Variants in MROH2A observed in about 807,000 individuals in gnomAD.
The protein encoded by MROH2A is maestro heat like repeat family member 2A, also known as maestro heat-like repeat-containing protein family member 2A.
In MROH2A, 174 loss-of-function variants were observed where a neutral mutation model predicts 200.4. That is an observed-to-expected ratio of 0.87 (90% confidence interval 0.77 to 0.98). The LOEUF (loss-of-function observed/expected upper bound fraction) is 0.98, where lower values mean the gene tolerates loss of function less well. Among genes scored for constraint, MROH2A ranks in the 50% least tolerant of loss-of-function variants. The probability of loss-of-function intolerance (pLI) is 0.00; values close to 1 mark genes in which losing one functional copy is unlikely to be tolerated. For synonymous variants in MROH2A, 829 were observed against 840.4 expected (o/e 0.99, Z 0.23); for missense variants, 2,045 against 2,139.6 (o/e 0.96, Z 0.87).
Position 233,779,330 on chromosome 2 carries a change from T to A in MROH2A, c.-14-15T>A. On this transcript the variant is annotated splice_polypyrimidine_tract_variant and intron_variant, in intron 1 of 41. Coordinates refer to ENST00000389758, the MANE Select transcript of MROH2A (RefSeq NM_001394639.1). ...GTCACACCCCGTATTTTACAAATTC[T>A]GTTGATCTCAAAAGAGCTTGAGGAA... The A allele has an allele frequency of 6.7e-7, 1 of 1,488,782 alleles. No individual in the cohort carries two copies. Among genetic ancestry groups the A allele is most frequent in the Non-Finnish European group, 9.2e-7 (1 of 1,090,758 alleles). The allele number at this position is 1,488,782 out of a possible 1,614,324, so 92.2% of individuals were successfully genotyped here.
At chr2:233,793,881 C>T in intron 7 of MROH2A, 57 bp downstream of exon 7, 2 of 1,334,954 alleles carry the variant, frequency 1.5e-6, no homozygotes, top group Non-Finnish European at 1.9e-6. Context: ...GCTCCCCAGC[C>T]TGTGGGGCCG....
intron 3 of MROH2A, among the ~76,000 whole-genome samples, chr2:233,788,527 T>C (rs1701514276): frequency 6.6e-6 from 1 of 152,070 alleles, no homozygotes; most frequent in South Asian, 2.1e-4. Context: ...TCCCCAAATT[T>C]GCTAAGGATT....
chr2:233,780,201 G>A (rs1336427138), intron 3 of MROH2A, among the ~76,000 whole-genome samples: 1 of 152,336 alleles, frequency 6.6e-6, no homozygotes, highest in East Asian at 1.9e-4. Flanking sequence ...TGGGTTAAGG[G>A]GCTGGGGTAG....
chr2:233,792,648 A>G (rs934195139), intron 5 of MROH2A, 148 bp from the exon 6 acceptor site: 1 of 603,188 alleles, frequency 1.7e-6, no homozygotes, highest in African/African-American at 1.9e-5. Context: ...CTCCTGGACT[A>G]TTTCCTGGGC....
chr2:233,807,627 T>G lies in MROH2A; in HGVS notation c.2172+85T>G. 1 of 1,308,360 alleles carries G rather than the reference T, an allele frequency of 7.6e-7. No homozygotes were observed. The highest frequency in any genetic ancestry group is 1.0e-6 in the Non-Finnish European group (1 of 980,304). 81.0% of individuals were successfully genotyped at this position (1,308,360 alleles called of 1,614,324 possible). The stretch of plus-strand genomic sequence containing the variant: ...TGTGTTCATGTGGCTGCATGCGTTT[T>G]GTGTGTGTGTGTGTACATGTGTGTG... On this transcript the variant is annotated intron_variant, in intron 20 of 41. Transcript: ENST00000389758. This position sits in a 1 kb window ranked among gnomAD's most constrained non-coding sequence, Gnocchi z 4.3.
intron 35 of MROH2A, among the ~76,000 whole-genome samples, chr2:233,824,590 T>G (rs1347161482): frequency 6.6e-6 from 1 of 152,240 alleles, no homozygotes; most frequent in East Asian, 1.9e-4. Context: ...TCCGAGGGCC[T>G]GGTTAAGAGC....
Position 233,811,885 on chromosome 2 carries a change from C to A in MROH2A, c.2577C>A (p.Val859=). The A allele has an allele frequency of 1.3e-6, 2 of 1,549,998 alleles. No individual in the cohort carries two copies. The highest frequency in any genetic ancestry group is 2.4e-5 in the South Asian group (2 of 84,022). Residue 859 remains valine, a synonymous_variant, in exon 24 of 42, where the codon GTC becomes GTA. Transcript: ENST00000389758. ...KTTLTSIIVA[V]IKAEPTDNLV... Reference sequence around the variant, plus strand: ...CCCCTGCTTGTGTTGGACAGGCGGTCATCAAGGCAGAACCGACTGACAACC... The same window carrying A: ...CCCCTGCTTGTGTTGGACAGGCGGTAATCAAGGCAGAACCGACTGACAACC...
chr2:233,827,581 G>A lies in MROH2A; in HGVS notation c.4114-1049G>A, dbSNP rs149384606. ...ACTGGGCCTGTTGGGAGTGGGGTGG[G>A]GGAAGAGAGAGTATTAGGAAAAACA... On this transcript the variant is annotated intron_variant, in intron 35 of 41. Coordinates refer to ENST00000389758, the MANE Select transcript of MROH2A (RefSeq NM_001394639.1). Among the ~76,000 whole-genome samples the A allele has an allele frequency of 4.0e-4, 61 of 152,228 alleles. No individual in the cohort carries two copies. In the East Asian group the frequency reaches 8.5e-3, roughly 21 times the overall value.
intron 14 of MROH2A, 119 bp from the exon 15 acceptor site, chr2:233,802,049 A>G: frequency 1.7e-6 from 2 of 1,147,036 alleles, no homozygotes; most frequent in Non-Finnish European, 2.4e-6. Flanking sequence ...TGAGACTGTC[A>G]GGGGACATCT....
upstream of MROH2A, among the ~76,000 whole-genome samples, chr2:233,775,984 T>C (rs1364820135): frequency 1.3e-5 from 2 of 152,218 alleles, no homozygotes; most frequent in African/African-American, 2.4e-5. Context: ...CCATGTAAGA[T>C]GTGCCCTTGC....
At chr2:233,819,877 C>A in intron 30 of MROH2A, 25 bp from the exon 31 acceptor site, 2 of 1,483,368 alleles carry the variant, frequency 1.3e-6, no homozygotes, top group Non-Finnish European at 1.8e-6. Flanking sequence ...GGGCTGCCCC[C>A]CGGTGATGCC....
Position 233,796,246 on chromosome 2 carries a change from G to A in MROH2A, c.1185G>A (p.Met395Ile), listed in dbSNP as rs1339368412. The A allele has an allele frequency of 8.0e-6, 12 of 1,499,812 alleles. No homozygotes were observed. The highest frequency in any genetic ancestry group is 9.0e-7 in the Non-Finnish European group (1 of 1,115,678). The allele number at this position is 1,499,812 out of a possible 1,614,324, so 92.9% of individuals were successfully genotyped here. A position where few individuals can be genotyped will look rare whatever the true frequency, so the allele number is the denominator to read the frequency against. The change falls in exon 11 of 42, where the codon ATG becomes ATA. Residue 395 changes from methionine (M) to isoleucine (I), a missense_variant. This residue lies in a region of MROH2A where 831 missense variants were observed against 800.0 expected (regional missense o/e 1.04). Coordinates refer to ENST00000389758, the MANE Select transcript of MROH2A (RefSeq NM_001394639.1). ...TGATGAAGTTCTTCTTCAGCCAGAT[G>A]GAGACAAACAAGGAGGCCGTCCGCG... ...KELMKFFFSQ[M>I]ETNKEAVRVG...
chr2:233,829,524 C>T, intron 37 of MROH2A, 96 bp from the exon 38 acceptor site: 1 of 1,213,724 alleles, frequency 8.2e-7, no homozygotes, highest in Non-Finnish European at 1.1e-6. Flanking sequence ...GAAGGCTCTG[C>T]AGGGACCAAG....
intron 5 of MROH2A, among the ~76,000 whole-genome samples, chr2:233,790,452 C>CCTTCCTTCCTCCCTCCCT (rs1553629942): frequency 2.4e-5 from 1 of 41,404 alleles, no homozygotes; most frequent in Non-Finnish European, 4.0e-5. Flanking sequence ...CTCCCTCCCC[C>CCTTCCTTCCTCCCTCCCT]CCTTCCTTCC....
At chr2:233,822,786 C>A in intron 33 of MROH2A, 95 bp from the exon 34 acceptor site, 1 of 1,445,296 alleles carries the variant, frequency 6.9e-7, no homozygotes. Context: ...CTGGGCCCGG[C>A]AGGCACTGGG....
In MROH2A at chr2:233,819,446, CG is replaced by C; in HGVS notation, c.3337del (p.Ala1113ProfsTer12). On this transcript the variant is annotated frameshift_variant, in exon 30 of 42. Coordinates refer to ENST00000389758, the MANE Select transcript of MROH2A (RefSeq NM_001394639.1). LOFTEE classifies it high-confidence loss of function. ...VTWIAFFLQM[R>X]AKELEDKVAE... ...CTGGATAGCCTTCTTCCTCCAGATG[CG>C]GGCCAAGGAGCTGGAGGACAAGGTG... The C allele has an allele frequency of 1.3e-6, 2 of 1,550,366 alleles. No homozygotes were observed. The highest frequency in any genetic ancestry group is 1.7e-6 in the Non-Finnish European group (2 of 1,146,922).
At position 233,787,435 on chromosome 2, in the gene MROH2A, G is replaced by GTATATACATATACATATATATTATATA. The variant is rs1559434907; in HGVS notation, c.277-2053_277-2027dup. On this transcript the variant is annotated intron_variant, in intron 3 of 41. Coordinates refer to ENST00000389758, the MANE Select transcript of MROH2A (RefSeq NM_001394639.1). ...CACACACACACACACACACACATAT[G>GTATATACATATACATATATATTATATA]TATATACATATACATATATATTATA... Among the ~76,000 whole-genome samples, 31 of 130,854 alleles carry GTATATACATATACATATATATTATATA rather than the reference G, an allele frequency of 2.4e-4. 1 individual carries two copies. The highest frequency in any genetic ancestry group is 8.5e-4 in the African/African-American group (29 of 34,128). 85.8% of individuals were successfully genotyped at this position (130,854 alleles called of 152,430 possible).
At position 233,792,900 on chromosome 2, in the gene MROH2A, T is replaced by C. The variant is rs997892775; in HGVS notation, c.670+6T>C. 3.2e-6 allele frequency: 5 copies of C among 1,550,250 alleles called. No individual in the cohort carries two copies. The African/African-American group carries it at 5.5e-5, about 17-fold the overall frequency. On this transcript the variant is annotated splice_donor_region_variant and intron_variant, in intron 6 of 41. Transcript: ENST00000389758. ...ACGCCAGGCGATCTGCAGTGGTGAG[T>C]GTCCCACTTGAGCCTGCAGGTCTGG...
Position 233,823,542 on chromosome 2 carries a change from TCTCTC to T in MROH2A, c.4005-9_4005-5del. On this transcript the variant is annotated splice_polypyrimidine_tract_variant and intron_variant, in intron 34 of 41. Transcript: ENST00000389758. ...GGGCCGCCTCCACGACCTGGCACTG[TCTCTC>T]CTCTGCAGGCTGTGCATGCAGCACG... 1 of 1,548,632 alleles carries T rather than the reference TCTCTC, an allele frequency of 6.5e-7. No homozygotes were observed. Among genetic ancestry groups the T allele is most frequent in the Non-Finnish European group, 8.7e-7 (1 of 1,146,152 alleles).
Sources: allele counts gnomAD v4.1 joint callset (sites outside exome capture counted in the v4.1 genomes callset), GRCh38; gene constraint gnomAD v4.1.1; regional missense constraint gnomAD v4.1.1; non-coding constraint Gnocchi (gnomAD v3.1); transcripts MANE v1.5; gene names NCBI Gene and HGNC (gene_info 2026-07-23, HGNC 2026-07-21).